The following XCR1 variants were observed in gnomAD, a reference collection of about 807,000 sequenced individuals.
The protein encoded by XCR1 is chemokine XC receptor 1.
For synonymous variants in XCR1, 187 were observed against 188.5 expected (o/e 0.99, Z 0.06); for missense variants, 356 against 424.2 (o/e 0.84, Z 1.41).
intron 3 of XCR1, among the ~76,000 whole-genome samples, chr3:46,073,626 G>A (rs557189915): frequency 6.6e-6 from 1 of 152,164 alleles, no homozygotes; most frequent in East Asian, 1.9e-4. Flanking sequence ...ATAAACAACA[G>A]AGTGGACAGA....
At chr3:46,024,823 T>C (rs1708254893) in intron 1 of XCR1, among the ~76,000 whole-genome samples, 1 of 152,164 alleles carries the variant, frequency 6.6e-6, no homozygotes, top group South Asian at 2.1e-4. Flanking sequence ...AAGGAGGAAA[T>C]ATCCTTTGTT....
intron 3 of XCR1, among the ~76,000 whole-genome samples, chr3:46,071,256 T>A (rs746556043): frequency 1.3e-5 from 2 of 151,932 alleles, no homozygotes; most frequent in Non-Finnish European, 2.9e-5. Flanking sequence ...TAACAAGTAA[T>A]GAGAATGCAT....
At chr3:46,022,957 A>G (rs1038597198) in intron 1 of XCR1, among the ~76,000 whole-genome samples, 27 of 152,354 alleles carry the variant, frequency 1.8e-4, no homozygotes, top group African/African-American at 6.3e-4. Context: ...AAATAAAGGA[A>G]ACTATATTCA....
At position 46,021,174 on chromosome 3, in the gene XCR1, G is replaced by A. The variant is rs753232903; in HGVS notation, c.774C>T (p.Ser258=). 3 of 1,614,280 alleles carry A rather than the reference G, an allele frequency of 1.9e-6. No homozygotes were observed. The highest frequency in any genetic ancestry group is 2.5e-6 in the Non-Finnish European group (3 of 1,180,048). ...ATTCTAGCTGCTGTTTGGCCTCGCAGCTCCGGATGATCTGGGTCCGAAACA... is the reference window on the plus strand; with the variant it reads ...ATTCTAGCTGCTGTTTGGCCTCGCAACTCCGGATGATCTGGGTCCGAAACA... ...QTLFRTQIIR[S]CEAKQQLEYA... is the part of the protein sequence containing the mutation. The change falls in exon 2 of 2, where the codon AGC becomes AGT. Residue 258 remains serine, a synonymous_variant. Transcript: ENST00000309285. The surrounding 1 kb of genome is among the most constrained non-coding windows in gnomAD (Gnocchi z 4.7).
rs1213301426 is a variant in XCR1, at chr3:46,050,342, A to G, written c.-32+3578T>C. On this transcript the variant is annotated intron_variant, in intron 5 of 5. Transcript: ENST00000683768. ...CGGTCGTAGCCAGTTAATATCTCCTAATTGTTGAAAATCATTTAAAGTCTG... is the reference window on the plus strand; with the variant it reads ...CGGTCGTAGCCAGTTAATATCTCCTGATTGTTGAAAATCATTTAAAGTCTG... 3.3e-5 allele frequency among the ~76,000 whole-genome samples: 5 copies of G among 152,106 alleles called. No homozygotes were observed. The South Asian group carries it at 1.0e-3, about 32-fold the overall frequency.
At chr3:46,044,953 C>T (rs531691581) in intron 5 of XCR1, among the ~76,000 whole-genome samples, 2 of 152,234 alleles carry the variant, frequency 1.3e-5, no homozygotes, top group East Asian at 3.9e-4. Flanking sequence ...TACACTTTCT[C>T]CTAGAAAATA....
intron 5 of XCR1, among the ~76,000 whole-genome samples, chr3:46,049,412 T>C (rs1697697750): frequency 1.3e-5 from 2 of 152,158 alleles, no homozygotes; most frequent in South Asian, 4.1e-4. Flanking sequence ...TACCTAGAGA[T>C]AGTGGCCCAG....
At chr3:46,066,392 G>A (rs1487311150) in intron 4 of XCR1, among the ~76,000 whole-genome samples, 1 of 152,094 alleles carries the variant, frequency 6.6e-6, no homozygotes, top group East Asian at 1.9e-4. Context: ...CTACAGGCAC[G>A]CACCACCACG....
chr3:46,023,816 A>G (rs1708223571), intron 1 of XCR1: 2 of 1,539,352 alleles, frequency 1.3e-6, no homozygotes, highest in Non-Finnish European at 1.8e-6. Flanking sequence ...TAGGCAACCA[A>G]AATTGCAGAT....
Position 46,066,897 on chromosome 3 carries a change from A to T in XCR1, c.-183+2T>A, listed in dbSNP as rs17078567. Among the ~76,000 whole-genome samples the T allele has an allele frequency of 0.24, 36,486 of 152,176 alleles. 4,689 individuals are homozygous for T. Among genetic ancestry groups the T allele is most frequent in the Middle Eastern group, 0.33 (98 of 294 alleles). On this transcript the variant is annotated splice_donor_variant, in intron 4 of 5. Transcript: ENST00000683768. LOFTEE classifies it low-confidence loss of function (5UTR_SPLICE). ...ATAAATTAATATGAGTTAGATACTT[A>T]CTACATAGATGGTGGGTCCTCAATA...
At chr3:46,032,083 A>C (rs1008109179), upstream of XCR1, among the ~76,000 whole-genome samples, 3 of 152,194 alleles carry the variant, frequency 2.0e-5, no homozygotes, top group African/African-American at 7.2e-5. Context: ...TGCATACTTC[A>C]TTCTTCTGGT....
intron 4 of XCR1, among the ~76,000 whole-genome samples, chr3:46,059,746 G>T (rs1166848227): frequency 6.6e-6 from 1 of 152,184 alleles, no homozygotes; most frequent in Non-Finnish European, 1.5e-5. Context: ...TTGTGTTTGT[G>T]TATACACCTT....
chr3:46,054,208 A>C (rs1697808013), intron 4 of XCR1, among the ~76,000 whole-genome samples: 1 of 152,128 alleles, frequency 6.6e-6, no homozygotes, highest in African/African-American at 2.4e-5. Flanking sequence ...ATTAGGCAAA[A>C]GAGATAGCGA....
At chr3:46,027,596 G>C (rs1027937661), upstream of XCR1, 1 of 152,258 alleles carries the variant, frequency 6.6e-6, no homozygotes, top group Non-Finnish European at 1.5e-5. Context: ...GAGGAAGGAA[G>C]AAGCCAGTCA....
At chr3:46,049,900 C>A (rs1042360469) in intron 5 of XCR1, among the ~76,000 whole-genome samples, 1 of 152,184 alleles carries the variant, frequency 6.6e-6, no homozygotes, top group Non-Finnish European at 1.5e-5. Flanking sequence ...TTGACATTTC[C>A]CAAGCTGTGG....
rs1308764008 is a variant in XCR1 at position 46,060,548 on chromosome 3, A to C, written c.-183+6351T>G. On this transcript the variant is annotated intron_variant, in intron 4 of 5. Coordinates refer to the XCR1 transcript ENST00000683768. ...CCCAAAGTGGCAGGGTGGCAGTTTT[A>C]ACTTGTAATTCAATGGAATCATTGT... Among the ~76,000 whole-genome samples the C allele has an allele frequency of 4.6e-5, 7 of 152,160 alleles. No homozygotes were observed. In the East Asian group the frequency reaches 1.2e-3, roughly 25 times the overall value.
At chr3:46,053,534 G>T (rs4339141) in intron 5 of XCR1, among the ~76,000 whole-genome samples, 9 of 151,948 alleles carry the variant, frequency 5.9e-5, no homozygotes, top group African/African-American at 2.2e-4. Flanking sequence ...CAGATTTTTA[G>T]ATTCAGCCTG....
At chr3:46,061,199 T>C (rs1463837873) in intron 4 of XCR1, among the ~76,000 whole-genome samples, 2 of 152,206 alleles carry the variant, frequency 1.3e-5, no homozygotes, top group East Asian at 1.9e-4. Flanking sequence ...TCTTCCATGA[T>C]GGAAACAGTC....
At chr3:46,051,056 G>T (rs572536643) in intron 5 of XCR1, among the ~76,000 whole-genome samples, 71 of 152,280 alleles carry the variant, frequency 4.7e-4, no homozygotes, top group Admixed American at 8.5e-4. Context: ...ACCCACACAG[G>T]TTTGTCACTA....
Sources: gnomAD v4.1 joint callset for allele counts (sites outside exome capture counted in the v4.1 genomes callset) on GRCh38, gnomAD v4.1.1 for gene constraint, Gnocchi (gnomAD v3.1) non-coding constraint, MANE v1.5 for transcripts, NCBI Gene and HGNC (gene_info 2026-07-23, HGNC 2026-07-21) for gene names.